The following ACER3 variants were observed in gnomAD, a reference collection of about 807,000 sequenced individuals.
The protein encoded by ACER3 is alkaline ceramidase 3, also known as alkCDase 3.
ACER3 carries 16 observed loss-of-function variants against 48.9 expected under a neutral mutation model. The ratio of observed to expected loss-of-function variants is 0.33; its 90% CI spans 0.22 to 0.50. The LOEUF is 0.50. Among genes scored for constraint, ACER3 ranks in the 20% least tolerant of loss-of-function variants. The probability of loss-of-function intolerance (pLI) is 0.98; values close to 1 mark genes in which losing one functional copy is unlikely to be tolerated. For missense variants in ACER3, 227 were observed against 326.0 expected, an observed-to-expected ratio of 0.70 and a Z score of 2.34; for synonymous variants, 109 against 107.8, an observed-to-expected ratio of 1.01 and a Z score of -0.07.
rs1156257847 is a variant in ACER3 at position 76,926,637 on chromosome 11, C to T, written c.184C>T (p.Arg62Trp). The T allele has an allele frequency of 4.4e-6, 7 of 1,597,828 alleles. No individual in the cohort carries two copies. Among genetic ancestry groups the T allele is most frequent in the Admixed American group, 3.3e-5 (2 of 59,854 alleles). Reference sequence around the variant, plus strand: ...GAGTGTTAGAGACGGTCTGGAAAAGCGGTACATTGCTTCTTATTTAGCACT... The same window carrying T: ...GAGTGTTAGAGACGGTCTGGAAAAGTGGTACATTGCTTCTTATTTAGCACT... The part of the protein sequence containing the change: ...VQSVRDGLEK[R>W]YIASYLALTV... The change falls in exon 2 of 11, where the codon CGG becomes TGG. Residue 62 changes from arginine to tryptophan, a missense_variant. Arg to Trp is a moderately radical substitution (Grantham distance 101). Transcript: ENST00000532485.
Position 76,861,045 on chromosome 11 carries a change from G to A in ACER3, c.69G>A (p.Glu23=). Residue 23 remains glutamate (E), a synonymous_variant, in exon 1 of 11, where the codon GAG becomes GAA. Coordinates refer to ENST00000532485, the MANE Select transcript of ACER3 (RefSeq NM_018367.7). ...CCTCCACGCTGGACTGGTGCGAGGA[G>A]AACTACTCCGTGACCTGGTACATCG... ...PTTSTLDWCE[E]NYSVTWYIAE... 1 of 1,548,368 alleles carries A rather than the reference G, an allele frequency of 6.5e-7. No individual in the cohort carries two copies. Among genetic ancestry groups the A allele is most frequent in the Non-Finnish European group, 8.7e-7 (1 of 1,146,436 alleles).
At chr11:76,898,674 G>A (rs867531315) in intron 1 of ACER3, among the ~76,000 whole-genome samples, 18 of 151,984 alleles carry the variant, frequency 1.2e-4, no homozygotes, top group African/African-American at 4.1e-4. Context: ...GGAGGCCGAG[G>A]CGGGCGGATG....
chr11:76,943,360 C>A (rs760605097), intron 2 of ACER3, among the ~76,000 whole-genome samples: 20 of 151,930 alleles, frequency 1.3e-4, no homozygotes, highest in Admixed American at 4.6e-4. Flanking sequence ...TGTGTTGTTT[C>A]CATTTTCATT....
chr11:76,986,220 G>A (rs17160169), intron 5 of ACER3, among the ~76,000 whole-genome samples: 1 of 152,032 alleles, frequency 6.6e-6, no homozygotes, highest in South Asian at 2.1e-4. Context: ...ACCATGTCAG[G>A]CACTAGAAAT....
chr11:77,011,636 C>T (rs1372921352), intron 7 of ACER3, among the ~76,000 whole-genome samples: 2 of 152,112 alleles, frequency 1.3e-5, no homozygotes, highest in African/African-American at 4.8e-5. Flanking sequence ...CATACATTGC[C>T]AGGTTTGTGC....
At position 77,022,868 on chromosome 11, in the gene ACER3, C is replaced by CAAAAAAAAAAAAAAAAAAAAAAA. The variant is rs10565723; in HGVS notation, c.*2543_*2565dup. ...ATGGTGGCAGAGCGAGACTCCGTCT[C>CAAAAAAAAAAAAAAAAAAAAAAA]AAAAAAAAAAAAAAAAAAAAAAAAG... On this transcript the variant is annotated 3_prime_UTR_variant, in exon 11 of 11. Transcript: ENST00000532485. The CAAAAAAAAAAAAAAAAAAAAAAA allele has an allele frequency of 3.6e-6, 1 of 276,174 alleles. No individual in the cohort carries two copies. Among genetic ancestry groups the CAAAAAAAAAAAAAAAAAAAAAAA allele is most frequent in the African/African-American group, 2.4e-5 (1 of 41,412 alleles). The allele number at this position is 276,174 out of a possible 1,614,324, so 17.1% of individuals were successfully genotyped here. A position where few individuals can be genotyped will look rare whatever the true frequency, so the allele number is the denominator to read the frequency against.
chr11:76,867,468 CAAAA>C (rs1156610809), intron 1 of ACER3, among the ~76,000 whole-genome samples: 6 of 19,662 alleles, frequency 3.1e-4, no homozygotes, highest in Admixed American at 8.7e-4. Flanking sequence ...GACTCTGTCT[CAAAA>C]AAAAAAAAAA....
chr11:76,964,920 A>C (rs183033222), intron 3 of ACER3, among the ~76,000 whole-genome samples: 2 of 151,518 alleles, frequency 1.3e-5, no homozygotes, highest in East Asian at 3.9e-4. Flanking sequence ...CCTCCAAAGG[A>C]ATGCAGCTCC....
intron 3 of ACER3, among the ~76,000 whole-genome samples, chr11:76,962,460 T>C (rs1345446474): frequency 6.6e-6 from 1 of 151,160 alleles, no homozygotes; most frequent in African/African-American, 2.5e-5. Flanking sequence ...CCTCAGATGA[T>C]CCACCCACCT....
intron 1 of ACER3, among the ~76,000 whole-genome samples, chr11:76,872,904 TCTTTTTC>T (rs1565152449): frequency 9.3e-5 from 11 of 117,846 alleles, no homozygotes; most frequent in Non-Finnish European, 1.0e-4. Flanking sequence ...CTTTCTTTTT[TCTTTTTC>T]TTTTTTTTTT....
intron 1 of ACER3, among the ~76,000 whole-genome samples, chr11:76,923,318 A>G (rs1377873371): frequency 6.6e-6 from 1 of 152,182 alleles, no homozygotes; most frequent in African/African-American, 2.4e-5. Context: ...ATTCCTTTGT[A>G]AGCCCTCCTT....
chr11:76,966,979 A>G (rs1219290789), intron 3 of ACER3, among the ~76,000 whole-genome samples: 2 of 152,168 alleles, frequency 1.3e-5, no homozygotes, highest in South Asian at 2.1e-4. Flanking sequence ...GAAGGAGATA[A>G]AGACACAAAA....
At chr11:76,990,058 C>T (rs1948766657) in intron 5 of ACER3, among the ~76,000 whole-genome samples, 1 of 152,180 alleles carries the variant, frequency 6.6e-6, no homozygotes, top group South Asian at 2.1e-4. Flanking sequence ...CTTATCATTC[C>T]TCATCACTAT....
At chr11:76,922,380 G>A (rs1257064058) in intron 1 of ACER3, among the ~76,000 whole-genome samples, 1 of 152,070 alleles carries the variant, frequency 6.6e-6, no homozygotes, top group East Asian at 1.9e-4. Context: ...TTAGTCATCA[G>A]TAAAGATTTT....
At chr11:76,896,371 C>G (rs77908474) in intron 1 of ACER3, among the ~76,000 whole-genome samples, 1 of 151,948 alleles carries the variant, frequency 6.6e-6, no homozygotes, top group African/African-American at 2.4e-5. Flanking sequence ...ATAAAAAAAA[C>G]TAGTGGGGTG....
At chr11:77,019,825 G>A (rs781915948) in intron 10 of ACER3, 49 bp downstream of exon 10, 1 of 1,579,926 alleles carries the variant, frequency 6.3e-7, no homozygotes, top group Admixed American at 1.7e-5. Flanking sequence ...TATGGTACTG[G>A]GAGTATAGGA....
chr11:76,879,050 T>C (rs1461661969), intron 1 of ACER3, among the ~76,000 whole-genome samples: 1 of 152,152 alleles, frequency 6.6e-6, no homozygotes, highest in Non-Finnish European at 1.5e-5. Context: ...GCTCCTTTCA[T>C]ATCCAGAATA....
chr11:76,947,171 C>T (rs1327513779), intron 2 of ACER3, among the ~76,000 whole-genome samples: 1 of 152,174 alleles, frequency 6.6e-6, no homozygotes, highest in East Asian at 1.9e-4. Flanking sequence ...TGTGTCTTGT[C>T]AGTCATCTCT....
chr11:76,875,732 G>GTTTTTTTTTTTT lies in ACER3; in HGVS notation c.103+14666_103+14677dup, dbSNP rs71040037. ...TTCAATGTAATACACAGTTTTTGTT[G>GTTTTTTTTTTTT]TTTTTTTTTTTTTTTTTTTTTTTTG... On this transcript the variant is annotated intron_variant, in intron 1 of 10. Transcript: ENST00000532485. Among the ~76,000 whole-genome samples the GTTTTTTTTTTTT allele has an allele frequency of 3.6e-4, 24 of 67,074 alleles. 1 individual carries two copies. The highest frequency in any genetic ancestry group is 4.8e-4 in the Admixed American group (2 of 4,150). 44.0% of individuals were successfully genotyped at this position (67,074 alleles called of 152,430 possible).
Sources: gnomAD v4.1 joint callset for allele counts (sites outside exome capture counted in the v4.1 genomes callset) on GRCh38, gnomAD v4.1.1 for gene constraint, MANE v1.5 for transcripts, NCBI Gene and HGNC (gene_info 2026-07-23, HGNC 2026-07-21) for gene names.